Variants in AUTS2 observed in about 807,000 individuals in gnomAD.
AUTS2 encodes the protein autism susceptibility gene 2 protein.
A neutral mutation model predicts 112.4 loss-of-function variants in AUTS2; 17 were observed. That is an observed-to-expected ratio of 0.15 (90% CI 0.10 to 0.23). AUTS2 has a LOEUF of 0.23. AUTS2 is among the 10% of genes least tolerant of loss of function. The pLI is 1.00. For synonymous variants in AUTS2, 751 were observed against 702.7 expected (o/e 1.07, Z -1.09); for missense variants, 1,510 against 1,701.6 (o/e 0.89, Z 1.98).
chr7:70,235,812 G>A (rs747665094), intron 4 of AUTS2, among the ~76,000 whole-genome samples: 2 of 151,678 alleles, frequency 1.3e-5, no homozygotes, highest in Non-Finnish European at 2.9e-5. Context: ...CCACCATGCC[G>A]GGCTAATTTT....
At chr7:70,486,801 C>T (rs574164357) in intron 5 of AUTS2, among the ~76,000 whole-genome samples, 10 of 151,350 alleles carry the variant, frequency 6.6e-5, no homozygotes, top group South Asian at 2.1e-4. Context: ...ATTGTTGTCA[C>T]GCGTTGGCTG....
chr7:70,743,077 C>T (rs1049403961), intron 6 of AUTS2, among the ~76,000 whole-genome samples: 3 of 152,162 alleles, frequency 2.0e-5, no homozygotes, highest in African/African-American at 7.2e-5. Context: ...GAAATCTAAA[C>T]TCATATTATT....
At chr7:70,346,185 G>GT (rs1173225933) in intron 4 of AUTS2, among the ~76,000 whole-genome samples, 1 of 152,146 alleles carries the variant, frequency 6.6e-6, no homozygotes, top group Non-Finnish European at 1.5e-5. Context: ...AAATCTACGT[G>GT]TTTTTTGACA....
At chr7:70,315,722 C>T (rs1483549949) in intron 4 of AUTS2, among the ~76,000 whole-genome samples, 3 of 152,130 alleles carry the variant, frequency 2.0e-5, no homozygotes, top group Non-Finnish European at 4.4e-5. Flanking sequence ...GACCTCCTCC[C>T]TCTCTCTTAC....
Position 69,970,464 on chromosome 7 carries a change from C to G in AUTS2, c.522+70966C>G, listed in dbSNP as rs1797803099. Among the ~76,000 whole-genome samples the G allele has an allele frequency of 2.0e-5, 3 of 152,148 alleles. No individual in the cohort carries two copies. In the South Asian group the frequency reaches 6.2e-4, roughly 32 times the overall value. On this transcript the variant is annotated intron_variant, in intron 2 of 18. Coordinates refer to ENST00000342771, the MANE Select transcript of AUTS2 (RefSeq NM_015570.4). ...TTCCTTAACCAAGGATTTTCTTCCT[C>G]TTACATCTCCTAGCACAGCTAAGGC... is the stretch of plus-strand genomic sequence containing the variant.
intron 5 of AUTS2, among the ~76,000 whole-genome samples, chr7:70,591,625 C>T (rs1348409971): frequency 1.3e-5 from 2 of 152,166 alleles, no homozygotes; most frequent in Non-Finnish European, 2.9e-5. Context: ...TCTCAAACTC[C>T]TGACCTCAAG....
chr7:70,489,052 G>C (rs553871991), intron 5 of AUTS2, among the ~76,000 whole-genome samples: 1 of 152,326 alleles, frequency 6.6e-6, no homozygotes, highest in East Asian at 1.9e-4. Flanking sequence ...TTGATTATGT[G>C]AGTGATTGAT....
intron 5 of AUTS2, among the ~76,000 whole-genome samples, chr7:70,617,018 C>A (rs1290182244): frequency 6.6e-6 from 1 of 152,164 alleles, no homozygotes; most frequent in Non-Finnish European, 1.5e-5. Context: ...CAAGTAATAG[C>A]TTGACTAGCA....
At chr7:70,028,819 T>A (rs1393862058) in intron 2 of AUTS2, among the ~76,000 whole-genome samples, 1 of 152,218 alleles carries the variant, frequency 6.6e-6, no homozygotes, top group East Asian at 1.9e-4. Flanking sequence ...CATGAAATAC[T>A]TATCTACCCT....
intron 1 of AUTS2, among the ~76,000 whole-genome samples, chr7:69,872,946 G>T (rs1405073848): frequency 6.8e-6 from 1 of 146,126 alleles, no homozygotes; most frequent in African/African-American, 2.6e-5. Context: ...AGGTTCAAGC[G>T]ATTCTCCTGC....
At chr7:70,573,523 G>A (rs190242974) in intron 5 of AUTS2, among the ~76,000 whole-genome samples, 41 of 152,244 alleles carry the variant, frequency 2.7e-4, no homozygotes, top group Admixed American at 1.0e-3. Flanking sequence ...ACTTTCACAC[G>A]CTTAATTTAT....
intron 4 of AUTS2, among the ~76,000 whole-genome samples, chr7:70,389,682 A>T (rs956908281): frequency 6.6e-6 from 1 of 152,184 alleles, no homozygotes; most frequent in Non-Finnish European, 1.5e-5. Flanking sequence ...GCCAAAAAGA[A>T]ATCATACTTT....
intron 2 of AUTS2, among the ~76,000 whole-genome samples, chr7:70,103,967 A>G (rs921826705): frequency 3.3e-5 from 5 of 151,986 alleles, no homozygotes; most frequent in African/African-American, 1.2e-4. Flanking sequence ...ACAAATGTGT[A>G]CAACATTATT....
chr7:70,556,459 A>G (rs553152178), intron 5 of AUTS2, among the ~76,000 whole-genome samples: 1 of 152,322 alleles, frequency 6.6e-6, no homozygotes, highest in Admixed American at 6.5e-5. Flanking sequence ...CTTCATACTC[A>G]TAAGGACTGG....
At chr7:69,810,804 A>G (rs543463160) in intron 1 of AUTS2, among the ~76,000 whole-genome samples, 16 of 152,316 alleles carry the variant, frequency 1.1e-4, no homozygotes, top group African/African-American at 3.4e-4. Flanking sequence ...ATTAGTTCAT[A>G]TGTAAAATTG....
At chr7:70,544,642 T>C (rs1800694288) in intron 5 of AUTS2, among the ~76,000 whole-genome samples, 1 of 152,182 alleles carries the variant, frequency 6.6e-6, no homozygotes, top group Non-Finnish European at 1.5e-5. Context: ...GGATTTGTCT[T>C]TCGTTGTTTT....
At chr7:70,603,552 A>G (rs1352633685) in intron 5 of AUTS2, among the ~76,000 whole-genome samples, 2 of 152,230 alleles carry the variant, frequency 1.3e-5, no homozygotes, top group African/African-American at 2.4e-5. Flanking sequence ...TAGAAATGCC[A>G]AGTCAAGGAT....
At position 70,098,629 on chromosome 7, in the gene AUTS2, A is replaced by G. The variant is rs80235692; in HGVS notation, c.523-19503A>G. Among the ~76,000 whole-genome samples the G allele has an allele frequency of 3.0e-3, 452 of 152,110 alleles. 5 individuals are homozygous for G. The highest frequency in any genetic ancestry group is 0.01 in the African/African-American group (430 of 41,524). On this transcript the variant is annotated intron_variant, in intron 2 of 18. Transcript: ENST00000342771. ...GATTTTTTACTTTTATAATTCTCCA[A>G]TTGTTGATGTTGTAGACCATGTCTT...
intron 6 of AUTS2, among the ~76,000 whole-genome samples, chr7:70,749,036 G>A (rs962317147): frequency 6.6e-6 from 1 of 152,134 alleles, no homozygotes; most frequent in Admixed American, 6.6e-5. Flanking sequence ...TGGGAACAGT[G>A]CCTCAAACAG....
Sources: gnomAD v4.1 joint callset for allele counts (sites outside exome capture counted in the v4.1 genomes callset) on GRCh38, gnomAD v4.1.1 for gene constraint, MANE v1.5 for transcripts, NCBI Gene and HGNC (gene_info 2026-07-23, HGNC 2026-07-21) for gene names.